The following CNTN4 variants were observed in gnomAD, a reference collection of about 807,000 sequenced individuals.
The protein encoded by CNTN4 is contactin-4.
A neutral mutation model predicts 122.5 loss-of-function variants in CNTN4; 77 were observed. The ratio of observed to expected loss-of-function variants is 0.63; its 90% CI spans 0.52 to 0.76. The LOEUF is 0.76. Among genes scored for constraint, CNTN4 ranks in the 30% least tolerant of loss-of-function variants. The pLI, the probability that CNTN4 is intolerant of heterozygous loss-of-function variation, is 0.00. For synonymous variants in CNTN4, 512 were observed against 447.0 expected (o/e 1.15, Z -1.83); for missense variants, 1,256 against 1,259.1 (o/e 1.00, Z 0.04).
intron 3 of CNTN4, among the ~76,000 whole-genome samples, chr3:2,471,463 A>T (rs769078437): frequency 6.6e-6 from 1 of 152,224 alleles, no homozygotes; most frequent in Non-Finnish European, 1.5e-5. Context: ...ATGTTCTAGA[A>T]CTAATGGAAT....
Position 2,940,603 on chromosome 3 carries a change from A to T in CNTN4, c.1358+14824A>T, listed in dbSNP as rs1306770393. On this transcript the variant is annotated intron_variant, in intron 13 of 24. Coordinates refer to ENST00000418658, the MANE Select transcript of CNTN4 (RefSeq NM_175607.3). ...GTGTCGAAGAAGGAGTTAAAGATGT[A>T]AGGGAGGGGAGATGATTCTCAAGGA... Among the ~76,000 whole-genome samples, 7 of 152,130 alleles carry T rather than the reference A, an allele frequency of 4.6e-5. 1 individual carries two copies. The highest frequency in any genetic ancestry group is 8.8e-5 in the Non-Finnish European group (6 of 67,998).
chr3:2,762,711 C>T (rs374834402), intron 6 of CNTN4, among the ~76,000 whole-genome samples: 8 of 152,174 alleles, frequency 5.3e-5, no homozygotes, highest in East Asian at 3.9e-4. Flanking sequence ...AATGCTGGGT[C>T]GAATGACATT....
chr3:2,292,575 G>T (rs913648595), intron 2 of CNTN4, among the ~76,000 whole-genome samples: 17 of 152,110 alleles, frequency 1.1e-4, no homozygotes, highest in African/African-American at 3.9e-4. Flanking sequence ...CTTTTAGGTA[G>T]TAGTCTCCAC....
chr3:2,679,085 A>G (rs1159290185), intron 4 of CNTN4, among the ~76,000 whole-genome samples: 2 of 152,140 alleles, frequency 1.3e-5, no homozygotes. Flanking sequence ...TAATATCTTC[A>G]ATGAGGTGCT....
In CNTN4 at chr3:2,703,205, C is replaced by G. The variant is rs549579439; in HGVS notation, c.56-33010C>G. Among the ~76,000 whole-genome samples, 4 of 152,258 alleles carry G rather than the reference C, an allele frequency of 2.6e-5. No individual in the cohort carries two copies. In the East Asian group the frequency reaches 7.7e-4, roughly 29 times the overall value. On this transcript the variant is annotated intron_variant, in intron 4 of 24. Transcript: ENST00000418658. Reference sequence around the variant, plus strand: ...AAGAGCAGAGCAGGAGTAGTCTCCCCTTCATATTTACGTCATGTATGCCTA... The same window carrying G: ...AAGAGCAGAGCAGGAGTAGTCTCCCGTTCATATTTACGTCATGTATGCCTA...
In CNTN4 at chr3:3,030,989, T is replaced by G; in HGVS notation, c.1783+14T>G. 1 of 1,613,922 alleles carries G rather than the reference T, an allele frequency of 6.2e-7. No homozygotes were observed. Among genetic ancestry groups the G allele is most frequent in the East Asian group, 2.2e-5 (1 of 44,884 alleles). On this transcript the variant is annotated intron_variant, in intron 16 of 24. Coordinates refer to ENST00000418658, the MANE Select transcript of CNTN4 (RefSeq NM_175607.3). ...TGATTGTAAGAGGTACTGGATTTTGTTGTTATTGTTGTTCTTGAAATATTT... is the reference window on the plus strand; with the variant it reads ...TGATTGTAAGAGGTACTGGATTTTGGTGTTATTGTTGTTCTTGAAATATTT...
At chr3:2,704,562 T>TCTGGAAGAACTTCATAGGGTACAGG (rs2086543470) in intron 4 of CNTN4, among the ~76,000 whole-genome samples, 1 of 152,142 alleles carries the variant, frequency 6.6e-6, no homozygotes, top group African/African-American at 2.4e-5. Flanking sequence ...GGCATCCTTT[T>TCTGGAAGAACTTCATAGGGTACAGG]CTGGAAGAAC....
intron 3 of CNTN4, among the ~76,000 whole-genome samples, chr3:2,415,358 A>G (rs2047375089): frequency 6.6e-6 from 1 of 152,220 alleles, no homozygotes; most frequent in South Asian, 2.1e-4. Flanking sequence ...TAAGAGAACC[A>G]TAATAGCTAC....
Position 2,294,229 on chromosome 3 carries a change from A to T in CNTN4, c.-144-44949A>T, listed in dbSNP as rs1559422977. ...TTTAGGGACCTGAGAAACAGACAAAACCTATTGATGTCAGGAGCTGCCAAG... is the reference window on the plus strand; with the variant it reads ...TTTAGGGACCTGAGAAACAGACAAATCCTATTGATGTCAGGAGCTGCCAAG... On this transcript the variant is annotated intron_variant, in intron 2 of 24. Transcript: ENST00000418658. Among the ~76,000 whole-genome samples the T allele has an allele frequency of 2.6e-5, 4 of 151,602 alleles. No homozygotes were observed. In the South Asian group the frequency reaches 8.3e-4, roughly 32 times the overall value.
chr3:2,402,546 C>G (rs921007823), intron 3 of CNTN4, among the ~76,000 whole-genome samples: 2 of 152,030 alleles, frequency 1.3e-5, no homozygotes, highest in Non-Finnish European at 2.9e-5. Context: ...CTCCATTTAT[C>G]TGTATTAGGA....
chr3:2,196,905 A>G (rs974048028), intron 2 of CNTN4, among the ~76,000 whole-genome samples: 1 of 151,872 alleles, frequency 6.6e-6, no homozygotes, highest in Non-Finnish European at 1.5e-5. Flanking sequence ...TTAGCCAGGC[A>G]TGGTGGTGCA....
At chr3:2,720,978 G>C (rs2087815717) in intron 4 of CNTN4, among the ~76,000 whole-genome samples, 1 of 151,900 alleles carries the variant, frequency 6.6e-6, no homozygotes, top group African/African-American at 2.4e-5. Context: ...TTTTTTGTTT[G>C]TTTGTTTGTT....
At chr3:2,640,633 G>C (rs2082858841) in intron 4 of CNTN4, among the ~76,000 whole-genome samples, 1 of 88,582 alleles carries the variant, frequency 1.1e-5, no homozygotes, top group Admixed American at 1.2e-4. Context: ...TCTAGTGAGT[G>C]TGTGTATATG....
At chr3:2,511,424 A>G (rs1424388702) in intron 3 of CNTN4, 1 of 152,206 alleles carries the variant, frequency 6.6e-6, no homozygotes, top group East Asian at 1.9e-4. Context: ...TGTGCTAATT[A>G]TGTCGATCCT....
chr3:2,895,677 A>T (rs1335358222), intron 10 of CNTN4, among the ~76,000 whole-genome samples: 2 of 152,242 alleles, frequency 1.3e-5, no homozygotes, highest in Non-Finnish European at 2.9e-5. Context: ...CAGAAAAACT[A>T]GGAGAACTAT....
chr3:2,135,958 G>A (rs769420960), intron 2 of CNTN4, among the ~76,000 whole-genome samples: 3 of 152,074 alleles, frequency 2.0e-5, no homozygotes, highest in Non-Finnish European at 4.4e-5. Context: ...TGTTTGATCT[G>A]TTTTTTTCTG....
intron 4 of CNTN4, among the ~76,000 whole-genome samples, chr3:2,587,190 T>C (rs1370373770): frequency 1.3e-5 from 2 of 152,166 alleles, no homozygotes; most frequent in African/African-American, 2.4e-5. Flanking sequence ...ACAAAGTCTT[T>C]CCTATAAAAA....
intron 3 of CNTN4, among the ~76,000 whole-genome samples, chr3:2,339,453 A>G (rs1306840274): frequency 6.6e-6 from 1 of 152,230 alleles, no homozygotes; most frequent in African/African-American, 2.4e-5. Flanking sequence ...TCTGGAGAAG[A>G]TACTTAAGGT....
intron 3 of CNTN4, among the ~76,000 whole-genome samples, chr3:2,554,717 C>G (rs2078650802): frequency 6.6e-6 from 1 of 152,132 alleles, no homozygotes; most frequent in Non-Finnish European, 1.5e-5. Context: ...TTGATGTGTT[C>G]CAATATTACT....
Sources: gnomAD v4.1 joint callset for allele counts (sites outside exome capture counted in the v4.1 genomes callset) on GRCh38, gnomAD v4.1.1 for gene constraint, MANE v1.5 for transcripts, NCBI Gene and HGNC (gene_info 2026-07-23, HGNC 2026-07-21) for gene names.